The following RIMS2 variants were observed in gnomAD, a reference collection of about 807,000 sequenced individuals.
RIMS2 encodes the protein regulating synaptic membrane exocytosis 2.
In RIMS2, 59 loss-of-function variants were observed where a neutral mutation model predicts 174.4. That is an observed-to-expected ratio of 0.34 (90% CI 0.27 to 0.42). The LOEUF is 0.42. Ranked by LOEUF, RIMS2 falls within the 10% of genes least tolerant of loss-of-function variation. The pLI is 1.00. For synonymous variants in RIMS2, 606 were observed against 572.5 expected, an observed-to-expected ratio of 1.06 and a Z score of -0.84; for missense variants, 1,620 against 1,666.3, an observed-to-expected ratio of 0.97 and a Z score of 0.48.
At chr8:104,214,214 A>G (rs2099119405) in intron 19 of RIMS2, among the ~76,000 whole-genome samples, 1 of 152,184 alleles carries the variant, frequency 6.6e-6, no homozygotes, top group Non-Finnish European at 1.5e-5. Flanking sequence ...ACTTGTATTT[A>G]TTAGAGAGTT....
chr8:103,949,147 A>AAAAG (rs2084665260), intron 14 of RIMS2, among the ~76,000 whole-genome samples: 1 of 104,992 alleles, frequency 9.5e-6, no homozygotes, highest in Non-Finnish European at 2.4e-5. Flanking sequence ...AAAAAAAAAA[A>AAAAG]GGGAAAGGGA....
intron 19 of RIMS2, among the ~76,000 whole-genome samples, chr8:104,196,463 T>C (rs1344037529): frequency 6.6e-6 from 1 of 152,162 alleles, no homozygotes; most frequent in Non-Finnish European, 1.5e-5. Context: ...TTATTACTAG[T>C]AGCTTTAATT....
At chr8:104,037,519 G>A (rs2096540865) in intron 19 of RIMS2, among the ~76,000 whole-genome samples, 1 of 152,144 alleles carries the variant, frequency 6.6e-6, no homozygotes, top group Non-Finnish European at 1.5e-5. Flanking sequence ...CCAATCAGCA[G>A]AATTTCAGAT....
chr8:104,061,567 T>G (rs2096990375), intron 19 of RIMS2, among the ~76,000 whole-genome samples: 1 of 150,876 alleles, frequency 6.6e-6, no homozygotes, highest in Non-Finnish European at 1.5e-5. Context: ...CATTCTGGTG[T>G]ATCAGTCTTC....
intron 3 of RIMS2, among the ~76,000 whole-genome samples, chr8:103,815,444 T>G (rs1004840473): frequency 6.6e-6 from 1 of 152,200 alleles, no homozygotes; most frequent in Non-Finnish European, 1.5e-5. Flanking sequence ...ACACTTCTTC[T>G]GTTAGAACTC....
chr8:103,594,695 C>T (rs187376705), intron 1 of RIMS2, among the ~76,000 whole-genome samples: 4 of 151,862 alleles, frequency 2.6e-5, no homozygotes, highest in Admixed American at 2.6e-4. Flanking sequence ...TCCATAGATA[C>T]TTATGGAAAT....
chr8:104,135,520 C>A (rs1296264507), intron 19 of RIMS2, among the ~76,000 whole-genome samples: 1 of 148,962 alleles, frequency 6.7e-6, no homozygotes, highest in South Asian at 2.1e-4. Context: ...GTGGGAGGAT[C>A]ACTTGAGCCC....
intron 3 of RIMS2, among the ~76,000 whole-genome samples, chr8:103,852,759 A>T (rs2154493644): frequency 6.6e-6 from 1 of 152,158 alleles, no homozygotes; most frequent in South Asian, 2.1e-4. Flanking sequence ...ATGGCTATGT[A>T]GTATTCCATG....
In RIMS2 at chr8:103,823,100, C is replaced by T. The variant is rs571475729; in HGVS notation, c.698+56563C>T. On this transcript the variant is annotated intron_variant, in intron 3 of 23. Transcript: ENST00000504942. ...ATTTTTAGCCGTCTTTTTTATACAA[C>T]GAAGAGATCTGTATTTTCCTCTAGA... 7.9e-5 allele frequency among the ~76,000 whole-genome samples: 12 copies of T among 151,820 alleles called. No homozygotes were observed. In the East Asian group the frequency reaches 9.7e-4, roughly 12 times the overall value.
At chr8:104,168,258 A>G (rs1200897331) in intron 19 of RIMS2, among the ~76,000 whole-genome samples, 1 of 152,082 alleles carries the variant, frequency 6.6e-6, no homozygotes, top group Non-Finnish European at 1.5e-5. Flanking sequence ...TTTGGGCAGT[A>G]TGGTCATTTT....
At chr8:104,191,895 G>T (rs77598432) in intron 19 of RIMS2, among the ~76,000 whole-genome samples, 12 of 152,034 alleles carry the variant, frequency 7.9e-5, no homozygotes, top group Admixed American at 5.3e-4. Context: ...AGAAGCCTCC[G>T]TGCCCAGTCA....
At chr8:104,136,621 A>G (rs2098522703) in intron 19 of RIMS2, among the ~76,000 whole-genome samples, 1 of 152,210 alleles carries the variant, frequency 6.6e-6, no homozygotes, top group South Asian at 2.1e-4. Context: ...GCAGCCATAA[A>G]AATGAATTCA....
intron 3 of RIMS2, among the ~76,000 whole-genome samples, chr8:103,860,048 A>G (rs1201024042): frequency 2.6e-5 from 4 of 152,172 alleles, no homozygotes; most frequent in Non-Finnish European, 5.9e-5. Flanking sequence ...TGAATTTTCC[A>G]TAGGTCTAAT....
chr8:103,561,126 G>A (rs922620257), intron 1 of RIMS2, among the ~76,000 whole-genome samples: 12 of 152,082 alleles, frequency 7.9e-5, no homozygotes, highest in African/African-American at 2.7e-4. Context: ...AGCTTCCTGC[G>A]GCTTTTTCCT....
chr8:104,021,440 A>AGGAAATGTTGATAT (rs2096084841), intron 19 of RIMS2, among the ~76,000 whole-genome samples: 1 of 152,212 alleles, frequency 6.6e-6, no homozygotes, highest in Non-Finnish European at 1.5e-5. Context: ...TAATTATGAA[A>AGGAAATGTTGATAT]GGAAATGTTG....
At chr8:103,795,872 A>G (rs2098546408) in intron 3 of RIMS2, among the ~76,000 whole-genome samples, 1 of 152,174 alleles carries the variant, frequency 6.6e-6, no homozygotes, top group South Asian at 2.1e-4. Context: ...CAAGTTCTAT[A>G]ATCTTACCTT....
At chr8:103,940,657 C>A (rs549601507) in intron 13 of RIMS2, among the ~76,000 whole-genome samples, 2 of 152,174 alleles carry the variant, frequency 1.3e-5, no homozygotes, top group South Asian at 4.1e-4. Flanking sequence ...GGGCAGATCA[C>A]CTGAGGTCAG....
intron 1 of RIMS2, among the ~76,000 whole-genome samples, chr8:103,629,647 A>T (rs2095865579): frequency 6.6e-6 from 1 of 152,222 alleles, no homozygotes; most frequent in Admixed American, 6.5e-5. Flanking sequence ...GAAAAAATAC[A>T]ATTAACATAT....
intron 3 of RIMS2, among the ~76,000 whole-genome samples, chr8:103,827,805 A>G (rs2098800950): frequency 1.3e-5 from 2 of 152,038 alleles, no homozygotes; most frequent in African/African-American, 4.8e-5. Flanking sequence ...ACTGTACTCC[A>G]CCAGCCTGGG....
Sources: allele counts gnomAD v4.1 joint callset (sites outside exome capture counted in the v4.1 genomes callset), GRCh38; gene constraint gnomAD v4.1.1; transcripts MANE v1.5; gene names NCBI Gene and HGNC (gene_info 2026-07-23, HGNC 2026-07-21).